Variants in GAS2 observed in about 807,000 individuals in gnomAD.
The protein encoded by GAS2 is growth arrest-specific protein 2.
In GAS2, 20 loss-of-function variants were observed where a neutral mutation model predicts 37.5. The observed-to-expected ratio is 0.53, with a 90% CI of 0.37 to 0.77. GAS2 has a LOEUF of 0.77. Ranked by LOEUF, GAS2 falls within the 30% of genes least tolerant of loss-of-function variation. The pLI, the probability that GAS2 is intolerant of heterozygous loss-of-function variation, is 0.00. For missense variants in GAS2, 336 were observed against 373.4 expected, an observed-to-expected ratio of 0.90 and a Z score of 0.82; for synonymous variants, 144 against 132.2, an observed-to-expected ratio of 1.09 and a Z score of -0.61.
rs149855507 is a variant in GAS2, at chr11:22,812,006, A to T, written c.932A>T (p.Glu311Val). 1 of 1,613,410 alleles carries T rather than the reference A, an allele frequency of 6.2e-7. No individual in the cohort carries two copies. The highest frequency in any genetic ancestry group is 1.3e-5 in the African/African-American group (1 of 74,920). Residue 311 changes from glutamate to valine, a missense_variant, in exon 8 of 8, where the codon GAA (glutamate) becomes GTA (valine). Coordinates refer to ENST00000454584, the MANE Select transcript of GAS2 (RefSeq NM_001143830.3). ...VVSASYKAKK[E>V]IK is the part of the protein sequence containing the mutation. ...TCTGCCAGTTATAAGGCTAAGAAGG[A>T]AATTAAGTGAAACAAATTGGTCATG...
chr11:22,681,289 G>A (rs1021963680), intron 2 of GAS2, among the ~76,000 whole-genome samples: 1 of 140,914 alleles, frequency 7.1e-6, no homozygotes, highest in Non-Finnish European at 1.5e-5. Flanking sequence ...TAGTTGCCTG[G>A]CAAAAGATTT....
chr11:22,696,204 G>C (rs564695632), intron 3 of GAS2, among the ~76,000 whole-genome samples: 39 of 149,034 alleles, frequency 2.6e-4, no homozygotes, highest in Middle Eastern at 3.5e-3. Flanking sequence ...TTGGTTTTTT[G>C]TCCTTGCGAT....
intron 1 of GAS2, among the ~76,000 whole-genome samples, chr11:22,629,247 C>T (rs1352463778): frequency 6.6e-6 from 1 of 152,154 alleles, no homozygotes; most frequent in Non-Finnish European, 1.5e-5. Flanking sequence ...CGTCTCCATA[C>T]TGTTTTCCAT....
At chr11:22,759,699 G>A (rs1392046183) in intron 7 of GAS2, among the ~76,000 whole-genome samples, 2 of 151,810 alleles carry the variant, frequency 1.3e-5, no homozygotes, top group Non-Finnish European at 2.9e-5. Context: ...TGCAGTAACA[G>A]AGATTTGGAT....
At position 22,737,719 on chromosome 11, in the gene GAS2, C is replaced by T; in HGVS notation, c.424C>T (p.Pro142Ser). The T allele has an allele frequency of 6.2e-7, 1 of 1,614,100 alleles. No individual in the cohort carries two copies. Among genetic ancestry groups the T allele is most frequent in the Non-Finnish European group, 8.5e-7 (1 of 1,179,978 alleles). The change falls in exon 5 of 8, where the codon CCC (proline) becomes TCC (serine). Residue 142 changes from proline to serine, a missense_variant. By Grantham distance (74) the Pro-to-Ser change is moderately conservative. Transcript: ENST00000454584. ...ESEGLVLHKQPREVCLCLLEL... is the reference protein window; with the variant it reads ...ESEGLVLHKQSREVCLCLLEL... ...TTGTCTTTCAGTCCTCCACAAGCAA[C>T]CCAGAGAAGTGTGTCTCTGTCTGCT...
At chr11:22,665,631 A>C (rs2133850548), upstream of GAS2, among the ~76,000 whole-genome samples, 1 of 152,348 alleles carries the variant, frequency 6.6e-6, no homozygotes. Flanking sequence ...AACTAAAATA[A>C]AAAGTTCGGA....
chr11:22,651,325 G>A (rs1250313298), intron 1 of GAS2, among the ~76,000 whole-genome samples: 2 of 152,168 alleles, frequency 1.3e-5, no homozygotes, highest in Admixed American at 6.6e-5. Context: ...TGGGTAACCC[G>A]AACTTTCGCT....
chr11:22,731,235 A>G (rs1852459439), intron 4 of GAS2: 1 of 357,528 alleles, frequency 2.8e-6, no homozygotes, highest in African/African-American at 2.2e-5. Context: ...GAGCTGGGAG[A>G]TGGCGAAAAA....
chr11:22,798,047 A>G (rs1434384130), intron 7 of GAS2, among the ~76,000 whole-genome samples: 1 of 152,076 alleles, frequency 6.6e-6, no homozygotes, highest in Non-Finnish European at 1.5e-5. Context: ...TCTGAATCCT[A>G]AGAGATTTTC....
intron 7 of GAS2, among the ~76,000 whole-genome samples, chr11:22,797,373 A>G (rs1856479019): frequency 6.6e-6 from 1 of 152,104 alleles, no homozygotes; most frequent in African/African-American, 2.4e-5. Context: ...CCAGAGGGAA[A>G]CAATTACAGC....
At chr11:22,722,049 A>G (rs1851976993) in intron 3 of GAS2, among the ~76,000 whole-genome samples, 1 of 152,008 alleles carries the variant, frequency 6.6e-6, no homozygotes, top group Non-Finnish European at 1.5e-5. Context: ...GATTTTAAGT[A>G]CATTTCCTAA....
At chr11:22,720,321 T>C (rs1382017269) in intron 3 of GAS2, among the ~76,000 whole-genome samples, 1 of 152,008 alleles carries the variant, frequency 6.6e-6, no homozygotes, top group East Asian at 1.9e-4. Flanking sequence ...TGTTCAACTG[T>C]CCTAAATCAT....
At chr11:22,809,089 G>C (rs1370532655) in intron 7 of GAS2, among the ~76,000 whole-genome samples, 1 of 152,106 alleles carries the variant, frequency 6.6e-6, no homozygotes, top group African/African-American at 2.4e-5. Context: ...CCTAAAATCT[G>C]GTTCTCAGTG....
intron 3 of GAS2, among the ~76,000 whole-genome samples, chr11:22,686,026 TAA>T (rs937554394): frequency 2.0e-5 from 3 of 152,170 alleles, no homozygotes; most frequent in Non-Finnish European, 4.4e-5. Flanking sequence ...ATGATGGTAT[TAA>T]AAGAGTATTG....
rs1312702512 is a variant in GAS2 at position 22,812,694 on chromosome 11, G to A, written c.*678G>A. On this transcript the variant is annotated 3_prime_UTR_variant, in exon 8 of 8. Coordinates refer to ENST00000454584, the MANE Select transcript of GAS2 (RefSeq NM_001143830.3). ...TTATTTCACACATTCCTGAGCACAT[G>A]GCTGTGTTTAGAATGATCTAGTGTA... is the stretch of plus-strand genomic sequence containing the variant. 1 of 152,504 alleles carries A rather than the reference G, an allele frequency of 6.6e-6. No homozygotes were observed. The highest frequency in any genetic ancestry group is 1.5e-5 in the Non-Finnish European group (1 of 68,042). 9.4% of individuals were successfully genotyped at this position (152,504 alleles called of 1,614,324 possible).
At chr11:22,754,555 T>TA in intron 6 of GAS2, among the ~76,000 whole-genome samples, 1 of 152,102 alleles carries the variant, frequency 6.6e-6, no homozygotes. Flanking sequence ...CACTGAGTCA[T>TA]AATTGTACAT....
At chr11:22,671,618 A>G (rs2133873531) in intron 1 of GAS2, among the ~76,000 whole-genome samples, 1 of 152,200 alleles carries the variant, frequency 6.6e-6, no homozygotes, top group Admixed American at 6.5e-5. Flanking sequence ...GGTTTTGAAC[A>G]CTTTTGAATG....
Position 22,749,205 on chromosome 11 carries a change from TCTC to T in GAS2, c.562_564del (p.Pro188del). The T allele has an allele frequency of 6.2e-7, 1 of 1,612,550 alleles. No homozygotes were observed. The highest frequency in any genetic ancestry group is 8.5e-7 in the Non-Finnish European group (1 of 1,179,116). The stretch of plus-strand genomic sequence containing the variant: ...ACTTTCTGCCCCTTCTCCTTCACCT[TCTC>T]CTTCATCAAAGTCTTCTGGAAAAAA... On this transcript the variant is annotated inframe_deletion, in exon 6 of 8. Transcript: ENST00000454584.
intron 3 of GAS2, among the ~76,000 whole-genome samples, chr11:22,686,183 A>C (rs991420181): frequency 2.0e-5 from 3 of 152,182 alleles, no homozygotes; most frequent in Admixed American, 1.3e-4. Context: ...TACTAGAACA[A>C]AATTTCTGGA....
Sources: allele counts gnomAD v4.1 joint callset (sites outside exome capture counted in the v4.1 genomes callset), GRCh38; gene constraint gnomAD v4.1.1; transcripts MANE v1.5; gene names NCBI Gene and HGNC (gene_info 2026-07-23, HGNC 2026-07-21).